SPTBN5: variants seen among roughly 807,000 people sequenced by gnomAD.
SPTBN5 encodes the protein spectrin beta chain, non-erythrocytic 5.
A neutral mutation model predicts 477.6 loss-of-function variants in SPTBN5; 513 were observed. The ratio of observed to expected loss-of-function variants is 1.07; its 90% CI spans 1.00 to 1.16. The LOEUF (loss-of-function observed/expected upper bound fraction) is 1.16, where lower values mean the gene tolerates loss of function less well. Ranked by LOEUF, SPTBN5 falls within the 50% of genes most tolerant of loss-of-function variation. SPTBN5 has a pLI of 0.00. For synonymous variants in SPTBN5, 2,169 were observed against 2,011.7 expected (o/e 1.08, Z -2.09); for missense variants, 5,062 against 4,731.8 (o/e 1.07, Z -2.05).
At chr15:41,875,434 G>A (rs1459401915) in intron 22 of SPTBN5, 24 bp downstream of exon 22, 1 of 1,605,998 alleles carries the variant, frequency 6.2e-7, no homozygotes, top group Non-Finnish European at 8.5e-7. Context: ...TCCCTCTTGT[G>A]CCCTGTCCCT....
At position 41,866,597 on chromosome 15, in the gene SPTBN5, G is replaced by A. The variant is rs774585749; in HGVS notation, c.6481-104C>T. ...TCCCAGGAGGCTGGCCTCAGGGGTG[G>A]GGCGGGCAGCACCTGGTAAATGAGC... is the stretch of plus-strand genomic sequence containing the variant. On this transcript the variant is annotated intron_variant, in intron 36 of 67. Coordinates refer to ENST00000320955, the MANE Select transcript of SPTBN5 (RefSeq NM_016642.4). 6 of 1,302,886 alleles carry A rather than the reference G, an allele frequency of 4.6e-6. No homozygotes were observed. In the Admixed American group the frequency reaches 1.9e-4, roughly 42 times the overall value. The allele number at this position is 1,302,886 out of a possible 1,614,324, so 80.7% of individuals were successfully genotyped here. A position where few individuals can be genotyped will look rare whatever the true frequency, so the allele number is the denominator to read the frequency against.
At chr15:41,852,771 G>GGGA (rs1555460256) in intron 60 of SPTBN5, 36 bp from the exon 61 acceptor site, 1 of 1,570,180 alleles carries the variant, frequency 6.4e-7, no homozygotes, top group South Asian at 1.1e-5. Flanking sequence ...GCCCAGCTTG[G>GGGA]GGGGGGGGGC....
In SPTBN5 at chr15:41,851,111, G is replaced by A. The variant is rs199856702; in HGVS notation, c.10783C>T (p.Arg3595Trp). 92 of 1,613,108 alleles carry A rather than the reference G, an allele frequency of 5.7e-5. No homozygotes were observed. Among genetic ancestry groups the A allele is most frequent in the East Asian group, 6.7e-5 (3 of 44,888 alleles). Residue 3595 changes from arginine to tryptophan, a missense_variant, in exon 65 of 68, where the codon CGG becomes TGG. Coordinates refer to ENST00000320955, the MANE Select transcript of SPTBN5 (RefSeq NM_016642.4). ...TGGCGGCCCCGCAGCCTCTCACACC[G>A]GGCTCCCGTGAGGTCAAGGAGGGCT... ...SIALLDLTGA[R>W]CERLRGRHGR...
chr15:41,893,460 C>T lies in SPTBN5; in HGVS notation c.38G>A (p.Gly13Glu), dbSNP rs369842726. The change falls in exon 2 of 68, where the codon GGG becomes GAG. Residue 13 changes from glycine to glutamate, a missense_variant. Physicochemically the swap from Gly to Glu is moderately conservative, Grantham distance 98. Transcript: ENST00000320955. ...CCTCCTGCTGCGGTGCCCTGCAGCC[C>T]CGAGGAGCTCCCGGGGACTGTGGGG... is the stretch of plus-strand genomic sequence containing the variant. ...GQPHSPRELL[G>E]AAGHRSRRPS... 1.7e-5 allele frequency: 27 copies of T among 1,605,358 alleles called. No individual in the cohort carries two copies. In the South Asian group the frequency reaches 1.8e-4, roughly 11 times the overall value.
rs188061762 is a variant in SPTBN5, at chr15:41,853,706, G to A, written c.9856C>T (p.Pro3286Ser). ...TCCTGCACCTTGGCCAGGCCCCCCGGAGCTGCAGGATGTAGCTGGCCCAGT... is the reference window on the plus strand; with the variant it reads ...TCCTGCACCTTGGCCAGGCCCCCCGAAGCTGCAGGATGTAGCTGGCCCAGT... ...CRLGQLHPAA[P>S]GGLAKVQEAW... Residue 3286 changes from proline (P) to serine (S), a missense_variant, in exon 58 of 68, where the codon CCG (proline) becomes TCG (serine). Coordinates refer to ENST00000320955, the MANE Select transcript of SPTBN5 (RefSeq NM_016642.4). The A allele has an allele frequency of 7.0e-3, 11,112 of 1,596,642 alleles. 46 individuals are homozygous for A. Among genetic ancestry groups the A allele is most frequent in the Non-Finnish European group, 8.5e-3 (9,921 of 1,172,828 alleles).
At position 41,882,633 on chromosome 15, in the gene SPTBN5, G is replaced by C. The variant is rs757143050; in HGVS notation, c.1998C>G (p.Ala666=). The C allele has an allele frequency of 5.0e-6, 8 of 1,607,570 alleles. No individual in the cohort carries two copies. The East Asian group carries it at 1.6e-4, about 31-fold the overall frequency. ...KECGQRVGNA[A]LGRDLSQIAG... ...CGATCTGGCTGAGATCCCGGCCCAG[G>C]GCCGCATTCCCCACCCGCTGTCCGC... is the stretch of plus-strand genomic sequence containing the variant. The change falls in exon 10 of 68, where the codon GCC becomes GCG. Residue 666 remains alanine (A), a synonymous_variant. Transcript: ENST00000320955.
intron 66 of SPTBN5, 170 bp from the exon 67 acceptor site, chr15:41,850,129 G>T (rs2065703119): frequency 1.6e-6 from 1 of 615,810 alleles, no homozygotes; most frequent in Non-Finnish European, 2.9e-6. Context: ...CTTGTGGGCA[G>T]GTTTTTCCCC....
At chr15:41,854,233 G>C in intron 56 of SPTBN5, 28 bp from the exon 57 acceptor site, 1 of 1,576,902 alleles carries the variant, frequency 6.3e-7, no homozygotes, top group Non-Finnish European at 8.6e-7. Flanking sequence ...ACCTGCTCAG[G>C]GCTGTTCTCT....
rs1052795526 is a variant in SPTBN5 at position 41,858,133 on chromosome 15, C to T, written c.8227-423G>A. ...ACAACATGGCAAAACCCCATCTCTA[C>T]CAAAAATACAAAAAAGTAGCTGGAT... On this transcript the variant is annotated intron_variant, in intron 49 of 67. Transcript: ENST00000320955. 3.3e-5 allele frequency among the ~76,000 whole-genome samples: 5 copies of T among 152,088 alleles called. No individual in the cohort carries two copies. The East Asian group carries it at 7.7e-4, about 23-fold the overall frequency.
Position 41,870,304 on chromosome 15 carries a change from A to G in SPTBN5, c.5612T>C (p.Leu1871Pro), listed in dbSNP as rs1428838420. ...PNNVARDLCG[L>P]EAQLRSHQGL... ...CTGGTGGCTTCTCAGCTGCGCCTCC[A>G]GCCCACACAGGTCCCGTGCCACATT... is the stretch of plus-strand genomic sequence containing the variant. The change falls in exon 31 of 68, where the codon CTG becomes CCG. Residue 1871 changes from leucine to proline, a missense_variant. By Grantham distance (98) the Leu-to-Pro change is moderately conservative (BLOSUM62 -3). Coordinates refer to ENST00000320955, the MANE Select transcript of SPTBN5 (RefSeq NM_016642.4). 1.9e-6 allele frequency: 3 copies of G among 1,560,620 alleles called. No individual in the cohort carries two copies. The highest frequency in any genetic ancestry group is 8.7e-7 in the Non-Finnish European group (1 of 1,152,664).
intron 29 of SPTBN5, 32 bp downstream of exon 29, chr15:41,871,343 C>T (rs1002274591): frequency 3.8e-5 from 53 of 1,387,708 alleles, no homozygotes; most frequent in Non-Finnish European, 4.8e-5. Context: ...TTCCCCCAAA[C>T]CCCATGCTGG....
intron 67 of SPTBN5, among the ~76,000 whole-genome samples, chr15:41,848,847 C>A (rs946703084): frequency 1.3e-5 from 2 of 152,216 alleles, no homozygotes; most frequent in Non-Finnish European, 2.9e-5. Flanking sequence ...AACTCTACGT[C>A]TGTCAGCTGG....
rs764987532 is a variant in SPTBN5, at chr15:41,851,092, C to G, written c.10802G>C (p.Gly3601Ala). 18 of 1,613,022 alleles carry G rather than the reference C, an allele frequency of 1.1e-5. No individual in the cohort carries two copies. Among genetic ancestry groups the G allele is most frequent in the Non-Finnish European group, 1.4e-5 (17 of 1,179,788 alleles). Residue 3601 changes from glycine (G) to alanine (A), a missense_variant, in exon 65 of 68, where the codon GGC becomes GCC. Transcript: ENST00000320955. ...GAATGTGTGTTTCCTGCCGTGGCGG[C>G]CCCGCAGCCTCTCACACCGGGCTCC... ...LTGARCERLR[G>A]RHGRKHTFSL...
In SPTBN5 at chr15:41,878,325, T is replaced by C; in HGVS notation, c.3470+17A>G. ...GTCCCAGCCCAAAGTGCACCCCTTC[T>C]GCCCTCCTGTCCTGACCTCTCCTGC... On this transcript the variant is annotated intron_variant, in intron 17 of 67. Coordinates refer to ENST00000320955, the MANE Select transcript of SPTBN5 (RefSeq NM_016642.4). The C allele has an allele frequency of 6.2e-7, 1 of 1,610,100 alleles. No homozygotes were observed. Among genetic ancestry groups the C allele is most frequent in the Non-Finnish European group, 8.5e-7 (1 of 1,177,472 alleles).
Position 41,874,465 on chromosome 15 carries a change from G to C in SPTBN5, c.4516C>G (p.Gln1506Glu). 1 of 1,608,984 alleles carries C rather than the reference G, an allele frequency of 6.2e-7. No homozygotes were observed. Among genetic ancestry groups the C allele is most frequent in the African/African-American group, 1.3e-5 (1 of 74,794 alleles). ...AGGCCCCGGATGGCCAGATGCCCCT[G>C]CAGAAGCTCCAGCCTAGGAGGAGGA... Reference protein sequence around the residue: ...QKHLRRLELLQGHLAIRGLQL... With the variant: ...QKHLRRLELLEGHLAIRGLQL... The change falls in exon 24 of 68, where the codon CAG becomes GAG. Residue 1506 changes from glutamine (Q) to glutamate (E), a missense_variant. By Grantham distance (29) the Gln-to-Glu change is conservative. Coordinates refer to ENST00000320955, the MANE Select transcript of SPTBN5 (RefSeq NM_016642.4).
At position 41,852,776 on chromosome 15, in the gene SPTBN5, G is replaced by C. The variant is rs571372336; in HGVS notation, c.10348-41C>G. On this transcript the variant is annotated intron_variant, in intron 60 of 67. Transcript: ENST00000320955. ...TTCAGGTGACGCCCAGCTTGGGGGG[G>C]GGGGCCCAGAGCCTGGTAGCCAGCT... is the stretch of plus-strand genomic sequence containing the variant. 53 of 1,610,864 alleles carry C rather than the reference G, an allele frequency of 3.3e-5. 2 individuals are homozygous for C. Among genetic ancestry groups the C allele is most frequent in the Admixed American group, 1.3e-4 (8 of 59,986 alleles).
chr15:41,863,264 A>G (rs1042772708), intron 41 of SPTBN5, among the ~76,000 whole-genome samples: 1 of 152,238 alleles, frequency 6.6e-6, no homozygotes, highest in Non-Finnish European at 1.5e-5. Flanking sequence ...TGCCCAGCAC[A>G]GGCAGCAGCA....
chr15:41,856,473 C>T lies in SPTBN5; in HGVS notation c.8934G>A (p.Glu2978=). ...HEVAARVQQL[E]KAMAHLRAEA... is the part of the protein sequence containing the mutation. ...CTGCCCGCAGGTGGGCCATGGCCTT[C>T]TCCAGCTGCTGCACCCGGGCGGCCA... is the stretch of plus-strand genomic sequence containing the variant. Residue 2978 remains glutamate, a synonymous_variant, in exon 53 of 68, where the codon GAG becomes GAA. Coordinates refer to ENST00000320955, the MANE Select transcript of SPTBN5 (RefSeq NM_016642.4). 2 of 1,597,382 alleles carry T rather than the reference C, an allele frequency of 1.3e-6. No individual in the cohort carries two copies. The highest frequency in any genetic ancestry group is 3.4e-5 in the Admixed American group (2 of 58,256).
Position 41,882,008 on chromosome 15 carries a change from G to T in SPTBN5, c.2385C>A (p.Arg795=). 4.6e-6 allele frequency: 7 copies of T among 1,536,904 alleles called. No individual in the cohort carries two copies. Among genetic ancestry groups the T allele is most frequent in the Non-Finnish European group, 5.2e-6 (6 of 1,151,142 alleles). ...GCCGCCGCAGCTCGGCCGCGAAGGC[G>T]CGCAGGACGCGCTCCAGCCGCACGT... ...RRHVRLERVL[R]AFAAELRRLE... is the part of the protein sequence containing the mutation. The change falls in exon 12 of 68, where the codon CGC becomes CGA. Residue 795 remains arginine, a synonymous_variant. Transcript: ENST00000320955.
Sources: gnomAD v4.1 joint callset for allele counts (sites outside exome capture counted in the v4.1 genomes callset) on GRCh38, gnomAD v4.1.1 for gene constraint, MANE v1.5 for transcripts, NCBI Gene and HGNC (gene_info 2026-07-23, HGNC 2026-07-21) for gene names.